The following SLFN5 variants were observed in gnomAD, a reference collection of about 807,000 sequenced individuals.
SLFN5 encodes the protein schlafen family member 5.
SLFN5 carries 34 observed loss-of-function variants against 48.5 expected under a neutral mutation model. The ratio of observed to expected loss-of-function variants is 0.70; its 90% CI spans 0.53 to 0.93. The LOEUF (loss-of-function observed/expected upper bound fraction) is 0.93, where lower values mean the gene tolerates loss of function less well. SLFN5 is among the 40% of genes least tolerant of loss of function. The pLI is 0.00. For missense variants in SLFN5, 1,006 were observed against 1,071.3 expected (o/e 0.94, Z 0.85); for synonymous variants, 387 against 396.2 (o/e 0.98, Z 0.28).
chr17:35,263,695 C>T (rs576826037), intron 3 of SLFN5, among the ~76,000 whole-genome samples: 56 of 151,834 alleles, frequency 3.7e-4, no homozygotes, highest in African/African-American at 1.2e-3. Context: ...TGGTGGCACA[C>T]GCCTTTGGTC....
intron 1 of SLFN5, among the ~76,000 whole-genome samples, chr17:35,243,955 G>A (rs569244224): frequency 3.5e-4 from 54 of 152,264 alleles, no homozygotes; most frequent in Middle Eastern, 3.4e-3. Context: ...GTTTTTATGA[G>A]ACCAGGAAGT....
chr17:35,259,427 T>C lies in SLFN5; in HGVS notation c.737T>C (p.Ile246Thr). 2 of 1,614,142 alleles carry C rather than the reference T, an allele frequency of 1.2e-6. No homozygotes were observed. The highest frequency in any genetic ancestry group is 1.7e-6 in the Non-Finnish European group (2 of 1,180,022). Residue 246 changes from isoleucine to threonine, a missense_variant, in exon 2 of 5, where the codon ATA (isoleucine) becomes ACA (threonine). Physicochemically the swap from Ile to Thr is moderately conservative, Grantham distance 89. Coordinates refer to ENST00000299977, the MANE Select transcript of SLFN5 (RefSeq NM_144975.4). ...CQVIGCEKEKIDLTSLRASID... is the reference protein window; with the variant it reads ...CQVIGCEKEKTDLTSLRASID... ...GTGATTGGATGTGAAAAAGAGAAAATAGACCTTACGAGCTTGAGGGCTTCT... is the reference window on the plus strand; with the variant it reads ...GTGATTGGATGTGAAAAAGAGAAAACAGACCTTACGAGCTTGAGGGCTTCT...
rs752112206 is a variant in SLFN5, at chr17:35,259,134, T to G, written c.444T>G (p.Asn148Lys). The change falls in exon 2 of 5, where the codon AAT becomes AAG. Residue 148 changes from asparagine (N) to lysine (K), a missense_variant. Asn to Lys is a moderately conservative substitution (Grantham distance 94). Coordinates refer to ENST00000299977, the MANE Select transcript of SLFN5 (RefSeq NM_144975.4). Reference protein sequence around the residue: ...KCRTQTPTNINVSNSLGPQAA... With the variant: ...KCRTQTPTNIKVSNSLGPQAA... Reference sequence around the variant, plus strand: ...GGACTCAGACTCCAACGAATATTAATGTTTCCAATTCATTAGGTCCACAGG... The same window carrying G: ...GGACTCAGACTCCAACGAATATTAAGGTTTCCAATTCATTAGGTCCACAGG... The G allele has an allele frequency of 5.0e-6, 8 of 1,614,194 alleles. 1 individual carries two copies. The South Asian group carries it at 8.8e-5, about 18-fold the overall frequency.
At position 35,266,173 on chromosome 17, in the gene SLFN5, T is replaced by TGCGCGC. The variant is rs1281312888; in HGVS notation, c.*286_*287insCGCGCG. The TGCGCGC allele has an allele frequency of 4.0e-6, 1 of 250,364 alleles. No homozygotes were observed. The highest frequency in any genetic ancestry group is 2.6e-5 in the African/African-American group (1 of 37,994). 15.5% of individuals were successfully genotyped at this position (250,364 alleles called of 1,614,324 possible). A position where few individuals can be genotyped will look rare whatever the true frequency, so the allele number is the denominator to read the frequency against. On this transcript the variant is annotated 3_prime_UTR_variant, in exon 5 of 5. Coordinates refer to ENST00000299977, the MANE Select transcript of SLFN5 (RefSeq NM_144975.4). ...GTGTGTGTGTGTGTGTGTGTGTGTG[T>TGCGCGC]GTGTGCGCGCGCGCACGTGCACATG...
chr17:35,247,058 A>G (rs2092432465), intron 1 of SLFN5, among the ~76,000 whole-genome samples: 1 of 37,626 alleles, frequency 2.7e-5, no homozygotes, highest in African/African-American at 6.2e-5. Flanking sequence ...CTGGGAAGCC[A>G]AACACAACTT....
intron 1 of SLFN5, among the ~76,000 whole-genome samples, chr17:35,254,069 A>T (rs1431519787): frequency 6.6e-6 from 1 of 152,142 alleles, no homozygotes; most frequent in Non-Finnish European, 1.5e-5. Context: ...ATCATTTTTT[A>T]TCAGAACAAT....
rs778733399 is a variant in SLFN5, at chr17:35,270,479, G to A, written c.*4591G>A. ...GGTAGGGAAAATCTAGGTAAACCAC[G>A]GTAATACACTGAGGCTGGCACCACC... On this transcript the variant is annotated 3_prime_UTR_variant, in exon 5 of 5. Transcript: ENST00000299977. 1 of 152,166 alleles carries A rather than the reference G, an allele frequency of 6.6e-6. No homozygotes were observed. The highest frequency in any genetic ancestry group is 1.5e-5 in the Non-Finnish European group (1 of 68,046). The allele number at this position is 152,166 out of a possible 1,614,324, so 9.4% of individuals were successfully genotyped here.
intron 3 of SLFN5, among the ~76,000 whole-genome samples, chr17:35,263,952 G>C (rs562727220): frequency 6.6e-6 from 1 of 151,592 alleles, no homozygotes; most frequent in South Asian, 2.1e-4. Context: ...AATACTTTCT[G>C]TCCTTCTCTC....
In SLFN5 at chr17:35,265,533, C is replaced by G; in HGVS notation, c.2321C>G (p.Ala774Gly). ...TTGGAGGAGATACTGATCTATGTAG[C>G]GAATAAATGCCGTTTTCTCTTGCGG... is the stretch of plus-strand genomic sequence containing the variant. ...LNLEEILIYVANKCRFLLRNG... is the reference protein window; with the variant it reads ...LNLEEILIYVGNKCRFLLRNG... The change falls in exon 5 of 5, where the codon GCG becomes GGG. Residue 774 changes from alanine to glycine, a missense_variant. Ala to Gly is a moderately conservative substitution (Grantham distance 60). Transcript: ENST00000299977. 1.2e-6 allele frequency: 2 copies of G among 1,614,130 alleles called. No individual in the cohort carries two copies. Among genetic ancestry groups the G allele is most frequent in the African/African-American group, 2.7e-5 (2 of 75,012 alleles).
At chr17:35,250,385 C>T (rs555238190) in intron 1 of SLFN5, among the ~76,000 whole-genome samples, 4 of 152,260 alleles carry the variant, frequency 2.6e-5, no homozygotes, top group Admixed American at 6.5e-5. Flanking sequence ...GATGGCTGGG[C>T]GCGGTGGCTC....
intron 3 of SLFN5, among the ~76,000 whole-genome samples, chr17:35,261,372 T>A (rs575214425): frequency 6.6e-6 from 1 of 152,130 alleles, no homozygotes; most frequent in Non-Finnish European, 1.5e-5. Flanking sequence ...AAAATATACC[T>A]TAAAGAAAGT....
intron 1 of SLFN5, among the ~76,000 whole-genome samples, chr17:35,244,449 G>T (rs1351229201): frequency 1.3e-5 from 2 of 152,116 alleles, no homozygotes; most frequent in African/African-American, 4.8e-5. Flanking sequence ...GAAGATGAGA[G>T]CAATGGCTAA....
intron 1 of SLFN5, among the ~76,000 whole-genome samples, chr17:35,257,253 G>A (rs748101688): frequency 6.6e-6 from 1 of 152,188 alleles, no homozygotes; most frequent in Non-Finnish European, 1.5e-5. Context: ...GTATCACTGT[G>A]ACTCAGCTAT....
intron 1 of SLFN5, among the ~76,000 whole-genome samples, chr17:35,251,640 G>A (rs904311573): frequency 1.2e-3 from 181 of 149,314 alleles, no homozygotes; most frequent in African/African-American, 4.2e-3. Flanking sequence ...CTCTGACCTC[G>A]TGATCTGCCA....
chr17:35,250,340 C>T (rs2092439420), intron 1 of SLFN5, among the ~76,000 whole-genome samples: 1 of 152,166 alleles, frequency 6.6e-6, no homozygotes, highest in Non-Finnish European at 1.5e-5. Context: ...ATTGAAGCCC[C>T]TGTTTTTGTC....
intron 1 of SLFN5, among the ~76,000 whole-genome samples, chr17:35,245,758 T>C (rs2092429231): frequency 6.6e-6 from 1 of 152,172 alleles, no homozygotes; most frequent in African/African-American, 2.4e-5. Context: ...TTGGATTGTT[T>C]CCAGTCTATG....
rs963020842 is a variant in SLFN5 at position 35,267,281 on chromosome 17, G to A, written c.*1393G>A. Reference sequence around the variant, plus strand: ...TCACAGACTGTTCCTTTACCAATATGTAAAAGAATGTGCAAAATTAGTAAA... The same window carrying A: ...TCACAGACTGTTCCTTTACCAATATATAAAAGAATGTGCAAAATTAGTAAA... On this transcript the variant is annotated 3_prime_UTR_variant, in exon 5 of 5. Transcript: ENST00000299977. 6.6e-6 allele frequency: 1 copy of A among 152,156 alleles called. No homozygotes were observed. The highest frequency in any genetic ancestry group is 1.5e-5 in the Non-Finnish European group (1 of 68,034). 9.4% of individuals were successfully genotyped at this position (152,156 alleles called of 1,614,324 possible).
chr17:35,253,662 G>A (rs894547218), intron 1 of SLFN5, among the ~76,000 whole-genome samples: 10 of 147,684 alleles, frequency 6.8e-5, no homozygotes, highest in Admixed American at 3.4e-4. Context: ...GGTGTGAGCC[G>A]CTGTGCCTGG....
Position 35,273,634 on chromosome 17 carries a change from G to C in SLFN5, c.*7746G>C, listed in dbSNP as rs1261439199. ...CTTCAAGCTTTTTTTTTAAATAAAA[G>C]AAATGCAATATTGCAATTAAATTTG... On this transcript the variant is annotated 3_prime_UTR_variant, in exon 5 of 5. Coordinates refer to ENST00000299977, the MANE Select transcript of SLFN5 (RefSeq NM_144975.4). 1 of 151,886 alleles carries C rather than the reference G, an allele frequency of 6.6e-6. No homozygotes were observed. Among genetic ancestry groups the C allele is most frequent in the Non-Finnish European group, 1.5e-5 (1 of 67,974 alleles). The allele number at this position is 151,886 out of a possible 1,614,324, so 9.4% of individuals were successfully genotyped here.
Sources: gnomAD v4.1 joint callset for allele counts (sites outside exome capture counted in the v4.1 genomes callset) on GRCh38, gnomAD v4.1.1 for gene constraint, MANE v1.5 for transcripts, NCBI Gene and HGNC (gene_info 2026-07-23, HGNC 2026-07-21) for gene names.